KIF2A: variants seen among roughly 807,000 people sequenced by gnomAD.
KIF2A encodes kinesin family member 2A, also known as kinesin-like protein KIF2A.
In KIF2A, 22 loss-of-function variants were observed where a neutral mutation model predicts 100.2. That is an observed-to-expected ratio of 0.22 (90% confidence interval 0.16 to 0.31). KIF2A has a LOEUF of 0.31. Among genes scored for constraint, KIF2A ranks in the 10% least tolerant of loss-of-function variants. KIF2A has a pLI of 1.00. For synonymous variants in KIF2A, 268 were observed against 285.9 expected (o/e 0.94, Z 0.63); for missense variants, 495 against 898.7 (o/e 0.55, Z 5.74).
rs1246820257 is a variant in KIF2A at position 62,343,262 on chromosome 5, A to AT, written c.65-3861dup. ...TAACTCCCTTTTGACTCCTCCCAGT[A>AT]TTTTTTTAGGTCATCAATTTCACCC... On this transcript the variant is annotated intron_variant, in intron 1 of 20. Coordinates refer to ENST00000407818, the MANE Select transcript of KIF2A (RefSeq NM_001098511.3). 2.0e-5 allele frequency among the ~76,000 whole-genome samples: 3 copies of AT among 152,106 alleles called. No homozygotes were observed. In the South Asian group the frequency reaches 6.2e-4, roughly 32 times the overall value.
In KIF2A at chr5:62,389,421, G is replaced by T. The variant is rs1173991264; in HGVS notation, c.*3852G>T. Among the ~76,000 whole-genome samples the T allele has an allele frequency of 6.9e-6, 1 of 145,832 alleles. No individual in the cohort carries two copies. Among genetic ancestry groups the T allele is most frequent in the Non-Finnish European group, 1.5e-5 (1 of 67,238 alleles). The stretch of plus-strand genomic sequence containing the variant: ...GATTTGCCTGAACCCAGGAGGCGGA[G>T]GTTGCAGTGAGCTGAGATTGTGCCA... On this transcript the variant is annotated 3_prime_UTR_variant, in exon 21 of 21. Coordinates refer to ENST00000407818, the MANE Select transcript of KIF2A (RefSeq NM_001098511.3).
Position 62,390,761 on chromosome 5 carries a change from A to G in KIF2A, c.*5192A>G, listed in dbSNP as rs1742272048. On this transcript the variant is annotated 3_prime_UTR_variant, in exon 21 of 21. Coordinates refer to ENST00000407818, the MANE Select transcript of KIF2A (RefSeq NM_001098511.3). ...TACTATTCCATGCCATGGAAGTGCT[A>G]TGCAATAACTCTCCCAGGTAGCACC... 1.5e-5 allele frequency: 12 copies of G among 793,536 alleles called. No individual in the cohort carries two copies. In the South Asian group the frequency reaches 1.7e-4, roughly 11 times the overall value. 49.2% of individuals were successfully genotyped at this position (793,536 alleles called of 1,614,324 possible).
At chr5:62,372,608 T>C in intron 17 of KIF2A, 57 bp downstream of exon 17, 2 of 995,150 alleles carry the variant, frequency 2.0e-6, no homozygotes, top group Non-Finnish European at 3.0e-6. Context: ...TGAATTGTGC[T>C]TTGTATAAAC....
intron 18 of KIF2A, among the ~76,000 whole-genome samples, chr5:62,376,045 C>A (rs998661220): frequency 6.6e-6 from 1 of 152,172 alleles, no homozygotes; most frequent in African/African-American, 2.4e-5. Flanking sequence ...TGCATTGCAT[C>A]TAGATATGTT....
intron 16 of KIF2A, among the ~76,000 whole-genome samples, chr5:62,369,649 A>G (rs551229579): frequency 4.7e-5 from 7 of 150,430 alleles, no homozygotes; most frequent in African/African-American, 1.7e-4. Flanking sequence ...ACTCATACCA[A>G]TGTTTTGTGA....
Position 62,387,181 on chromosome 5 carries a change from A to G in KIF2A, c.*1612A>G, listed in dbSNP as rs1382943461. 2 of 152,224 alleles carry G rather than the reference A, an allele frequency of 1.3e-5. No homozygotes were observed. The highest frequency in any genetic ancestry group is 2.4e-5 in the African/African-American group (1 of 41,460). 9.4% of individuals were successfully genotyped at this position (152,224 alleles called of 1,614,324 possible). The stretch of plus-strand genomic sequence containing the variant: ...CTTATTAATAAATGAAGTCTATGGA[A>G]TAAGTTTTAGAGATAATTTACTTCA... On this transcript the variant is annotated 3_prime_UTR_variant, in exon 21 of 21. Transcript: ENST00000407818.
At chr5:62,309,875 C>A (rs1203599949) in intron 1 of KIF2A, among the ~76,000 whole-genome samples, 3 of 152,044 alleles carry the variant, frequency 2.0e-5, no homozygotes, top group Non-Finnish European at 2.9e-5. Flanking sequence ...TTACTAAAAC[C>A]AGATGGCCAG....
chr5:62,338,390 G>A (rs1159103847), intron 1 of KIF2A, among the ~76,000 whole-genome samples: 1 of 152,172 alleles, frequency 6.6e-6, no homozygotes, highest in Admixed American at 6.5e-5. Context: ...CCGGGCTCAA[G>A]CAATTCTCCT....
intron 1 of KIF2A, among the ~76,000 whole-genome samples, chr5:62,332,873 C>T (rs1446694243): frequency 6.6e-6 from 1 of 152,184 alleles, no homozygotes; most frequent in Non-Finnish European, 1.5e-5. Context: ...CCACTGTTCT[C>T]TTCAACATTT....
intron 18 of KIF2A, among the ~76,000 whole-genome samples, chr5:62,377,453 T>C (rs1011613801): frequency 6.6e-6 from 1 of 152,226 alleles, no homozygotes; most frequent in African/African-American, 2.4e-5. Flanking sequence ...CCTACTCATC[T>C]AAGTTTTAGT....
At chr5:62,320,987 T>C (rs1163764411) in intron 1 of KIF2A, among the ~76,000 whole-genome samples, 2 of 152,234 alleles carry the variant, frequency 1.3e-5, no homozygotes, top group Non-Finnish European at 2.9e-5. Context: ...TTTTTATCTT[T>C]GTAGATTTGT....
At chr5:62,359,136 TA>T (rs1374797139) in intron 9 of KIF2A, among the ~76,000 whole-genome samples, 1 of 152,230 alleles carries the variant, frequency 6.6e-6, no homozygotes, top group Non-Finnish European at 1.5e-5. Flanking sequence ...GTATTCAACT[TA>T]AAAATAATTC....
intron 4 of KIF2A, 90 bp downstream of exon 4, chr5:62,350,210 G>T: frequency 2.9e-6 from 2 of 697,980 alleles, no homozygotes; most frequent in Non-Finnish European, 4.7e-6. Flanking sequence ...TACCCTTGAT[G>T]TTGGTATTTA....
rs765160141 is a variant in KIF2A at position 62,347,154 on chromosome 5, C to T, written c.89C>T (p.Thr30Ile). The T allele has an allele frequency of 1.9e-6, 3 of 1,602,784 alleles. No homozygotes were observed. Among genetic ancestry groups the T allele is most frequent in the Non-Finnish European group, 2.6e-6 (3 of 1,172,900 alleles). The part of the protein sequence containing the change: ...SDGRIHQAMV[T>I]SLNEDNESVT... ...GGCCGAATACATCAAGCAATGGTAACATCTTTAAATGAAGATAATGAAAGT... is the reference window on the plus strand; with the variant it reads ...GGCCGAATACATCAAGCAATGGTAATATCTTTAAATGAAGATAATGAAAGT... Residue 30 changes from threonine (T) to isoleucine (I), a missense_variant, in exon 2 of 21, where the codon ACA becomes ATA. Physicochemically the swap from Thr to Ile is moderately conservative, Grantham distance 89. Around this residue, in one of 10 missense-constraint regions of KIF2A, gnomAD observed 115 missense variants for 143.6 expected, o/e 0.80. Coordinates refer to ENST00000407818, the MANE Select transcript of KIF2A (RefSeq NM_001098511.3).
chr5:62,329,521 C>T (rs1447977882), intron 1 of KIF2A, among the ~76,000 whole-genome samples: 2 of 152,180 alleles, frequency 1.3e-5, no homozygotes, highest in Non-Finnish European at 1.5e-5. Flanking sequence ...TCCTCAGTTA[C>T]TGGTCAGTGG....
intron 1 of KIF2A, among the ~76,000 whole-genome samples, chr5:62,309,476 T>TG (rs1282708454): frequency 6.6e-6 from 1 of 152,246 alleles, no homozygotes; most frequent in Non-Finnish European, 1.5e-5. Flanking sequence ...TAGAAATTGA[T>TG]GTCTGGGAGA....
intron 19 of KIF2A, 27 bp downstream of exon 19, chr5:62,377,789 A>C: frequency 8.6e-7 from 1 of 1,168,086 alleles, no homozygotes; most frequent in Non-Finnish European, 1.2e-6. Context: ...CTTTCCTTCA[A>C]AATATTTCTT....
At chr5:62,343,579 G>C in intron 1 of KIF2A, among the ~76,000 whole-genome samples, 1 of 152,182 alleles carries the variant, frequency 6.6e-6, no homozygotes, top group South Asian at 2.1e-4. Context: ...TGAGATGGGG[G>C]AGTCATTGGA....
chr5:62,354,815 A>C (rs999678005), intron 6 of KIF2A, among the ~76,000 whole-genome samples: 1 of 152,172 alleles, frequency 6.6e-6, no homozygotes, highest in African/African-American at 2.4e-5. Flanking sequence ...TAACATGAGC[A>C]TTATTTCTCT....
Sources: allele counts gnomAD v4.1 joint callset (sites outside exome capture counted in the v4.1 genomes callset), GRCh38; gene constraint gnomAD v4.1.1; regional missense constraint gnomAD v4.1.1; transcripts MANE v1.5; gene names NCBI Gene and HGNC (gene_info 2026-07-23, HGNC 2026-07-21).